The following FAT1 variants were observed in gnomAD, a reference collection of about 807,000 sequenced individuals.
The protein encoded by FAT1 is FAT atypical cadherin 1.
In FAT1, 171 loss-of-function variants were observed where a neutral mutation model predicts 329.8. That is an observed-to-expected ratio of 0.52 (90% CI 0.46 to 0.59). The LOEUF is 0.59. FAT1 is among the 20% of genes least tolerant of loss of function. The pLI is 0.00. For synonymous variants in FAT1, 2,233 were observed against 2,228.6 expected (o/e 1.00, Z -0.06); for missense variants, 5,672 against 5,774.4 (o/e 0.98, Z 0.57).
In FAT1 at chr4:186,601,300, T is replaced by C. The variant is rs935996270; in HGVS notation, c.11609A>G (p.Tyr3870Cys). ...GATGCTATAGTCAGTTCCTCGAGCA[T>C]ACATGACAACCGCATGCGTGGAATA... ...RTYSTHAVVMYARGTDYSILE... is the reference protein window; with the variant it reads ...RTYSTHAVVMCARGTDYSILE... Residue 3870 changes from tyrosine to cysteine, a missense_variant, in exon 21 of 27, where the codon TAT (tyrosine) becomes TGT (cysteine). By Grantham distance (194) the Tyr-to-Cys change is radical (BLOSUM62 -2). This residue lies in a region of FAT1 where 1,706 missense variants were observed against 1,859.1 expected (regional missense o/e 0.92). Coordinates refer to ENST00000441802, the MANE Select transcript of FAT1 (RefSeq NM_005245.4). 1 of 1,609,634 alleles carries C rather than the reference T, an allele frequency of 6.2e-7. No individual in the cohort carries two copies. Among genetic ancestry groups the C allele is most frequent in the Non-Finnish European group, 8.5e-7 (1 of 1,176,370 alleles).
chr4:186,713,222 T>C (rs985707265), intron 1 of FAT1, among the ~76,000 whole-genome samples: 5 of 152,130 alleles, frequency 3.3e-5, no homozygotes, highest in Non-Finnish European at 2.9e-5. Flanking sequence ...TTAGCTGTCA[T>C]GTCTCCTAAG....
chr4:186,695,342 C>T (rs2126666289), intron 2 of FAT1, among the ~76,000 whole-genome samples: 1 of 152,338 alleles, frequency 6.6e-6, no homozygotes, highest in Non-Finnish European at 1.5e-5. Flanking sequence ...TCTAGATACT[C>T]AATCTCACAA....
chr4:186,702,757 T>C (rs1443166468), intron 2 of FAT1, among the ~76,000 whole-genome samples: 1 of 152,222 alleles, frequency 6.6e-6, no homozygotes, highest in Non-Finnish European at 1.5e-5. Flanking sequence ...CTCCAGATTT[T>C]ATTCTGCTTA....
At chr4:186,597,619 A>G in intron 24 of FAT1, 63 bp downstream of exon 24, 1 of 1,142,826 alleles carries the variant, frequency 8.8e-7, no homozygotes, top group Non-Finnish European at 1.3e-6. Context: ...GGTCTGTTGC[A>G]TCTGCCAGTC....
intron 2 of FAT1, among the ~76,000 whole-genome samples, chr4:186,694,588 C>T (rs190616821): frequency 1.5e-3 from 236 of 152,284 alleles, no homozygotes; most frequent in African/African-American, 5.4e-3. Flanking sequence ...AAATTTCCCC[C>T]CATTATTCAA....
intron 3 of FAT1, among the ~76,000 whole-genome samples, chr4:186,640,892 G>A (rs6820953): frequency 0.16 from 24,016 of 152,154 alleles, 2,066 homozygotes; most frequent in East Asian, 0.38. Context: ...CTGCACCTCC[G>A]ACCTTAAAAC....
At chr4:186,598,594 A>G (rs1203479744) in intron 22 of FAT1, 1 of 152,630 alleles carries the variant, frequency 6.6e-6, no homozygotes, top group East Asian at 1.9e-4. Context: ...CAGTGGCGCA[A>G]TCTCAGCTCA....
At chr4:186,604,123 G>C (rs1203640938) in intron 18 of FAT1, 146 bp from the exon 19 acceptor site, 3 of 724,346 alleles carry the variant, frequency 4.1e-6, no homozygotes, top group South Asian at 2.0e-5. Context: ...TCAAAGAAAA[G>C]GACAAATTTC....
chr4:186,712,177 A>C (rs1018821604), intron 1 of FAT1, among the ~76,000 whole-genome samples: 18 of 152,330 alleles, frequency 1.2e-4, no homozygotes, highest in African/African-American at 4.3e-4. Flanking sequence ...AACGAAGCTG[A>C]TCCTATTTAT....
chr4:186,600,498 T>C (rs758673728), intron 21 of FAT1, 138 bp from the exon 22 acceptor site: 7 of 672,486 alleles, frequency 1.0e-5, no homozygotes, highest in South Asian at 2.0e-5. Context: ...AGAGCACAGA[T>C]TCATTTGTCC....
At chr4:186,634,963 C>A (rs1740760039) in intron 6 of FAT1, among the ~76,000 whole-genome samples, 1 of 152,228 alleles carries the variant, frequency 6.6e-6, no homozygotes, top group African/African-American at 2.4e-5. Context: ...TAACAGAAAG[C>A]AAACAAACGG....
upstream of FAT1, among the ~76,000 whole-genome samples, chr4:186,726,115 G>A (rs1411059291): frequency 6.6e-6 from 1 of 152,190 alleles, no homozygotes. Flanking sequence ...AAACAGCATC[G>A]CCTCTCAAGT....
chr4:186,664,240 A>G (rs1742324955), intron 2 of FAT1, among the ~76,000 whole-genome samples: 1 of 152,146 alleles, frequency 6.6e-6, no homozygotes, highest in African/African-American at 2.4e-5. Context: ...AGTCCACAAT[A>G]AGGGGCTGCT....
chr4:186,724,951 C>T (rs1745668301), upstream of FAT1, among the ~76,000 whole-genome samples: 1 of 152,144 alleles, frequency 6.6e-6, no homozygotes, highest in African/African-American at 2.4e-5. The surrounding 1 kb of genome is among the most constrained non-coding windows in gnomAD (Gnocchi z 5.3). Flanking sequence ...AAAGTTAACG[C>T]AGTCACCTTA....
rs148963798 is a variant in FAT1, at chr4:186,669,201, C to T, written c.3266-5588G>A. ...ACAGCATGCGGCCAGAAGGTGCCTG[C>T]GCCCAGGCTGTGAGGAGGGAGGGCT... is the stretch of plus-strand genomic sequence containing the variant. On this transcript the variant is annotated intron_variant, in intron 2 of 26. Coordinates refer to ENST00000441802, the MANE Select transcript of FAT1 (RefSeq NM_005245.4). 9.2e-5 allele frequency among the ~76,000 whole-genome samples: 14 copies of T among 152,294 alleles called. No homozygotes were observed. In the East Asian group the frequency reaches 2.1e-3, roughly 23 times the overall value.
rs2077158567 is a variant in FAT1 at position 186,707,670 on chromosome 4, G to A, written c.2158C>T (p.Leu720Phe). 1 of 1,613,894 alleles carries A rather than the reference G, an allele frequency of 6.2e-7. No homozygotes were observed. The change falls in exon 2 of 27, where the codon CTT becomes TTT. Residue 720 changes from leucine (L) to phenylalanine (F), a missense_variant. By Grantham distance (22) the Leu-to-Phe change is conservative. This residue lies in a region of FAT1 where 3,966 missense variants were observed against 3,915.2 expected (regional missense o/e 1.01). Coordinates refer to ENST00000441802, the MANE Select transcript of FAT1 (RefSeq NM_005245.4). ...NAHIPQFRST[L>F]PTGIQVKENQ... ...TCCTTTACCTGAATACCAGTCGGAA[G>A]AGTGCTTCTAAACTGCGGTATGTGA... is the stretch of plus-strand genomic sequence containing the variant.
At chr4:186,593,570 T>C (rs561763304) in intron 26 of FAT1, among the ~76,000 whole-genome samples, 48 of 152,234 alleles carry the variant, frequency 3.2e-4, no homozygotes, top group African/African-American at 1.2e-3. Context: ...ATCATAAGGG[T>C]AACTTTTCTG....
Position 186,635,010 on chromosome 4 carries a change from T to C in FAT1, c.4183+1015A>G, listed in dbSNP as rs73030834. ...GTTAACTACGAAAATAGTCTCTTTT[T>C]CCCCTTCCCTTGAAAGTATGCTGTA... is the stretch of plus-strand genomic sequence containing the variant. On this transcript the variant is annotated intron_variant, in intron 6 of 26. Coordinates refer to ENST00000441802, the MANE Select transcript of FAT1 (RefSeq NM_005245.4). Among the ~76,000 whole-genome samples, 776 of 152,348 alleles carry C rather than the reference T, an allele frequency of 5.1e-3. 8 individuals are homozygous for C. The highest frequency in any genetic ancestry group is 0.016 in the African/African-American group (680 of 41,572).
chr4:186,628,777 C>A lies in FAT1; in HGVS notation c.4324-14G>T, dbSNP rs375297719. ...TTTGATGAATACCTGTAATGGATGA[C>A]AAAATGACTCATACAATATTTCCAA... On this transcript the variant is annotated splice_polypyrimidine_tract_variant and intron_variant, in intron 7 of 26. Coordinates refer to ENST00000441802, the MANE Select transcript of FAT1 (RefSeq NM_005245.4). 2 of 1,604,954 alleles carry A rather than the reference C, an allele frequency of 1.2e-6. No individual in the cohort carries two copies. Among genetic ancestry groups the A allele is most frequent in the Non-Finnish European group, 1.7e-6 (2 of 1,176,330 alleles).
Sources: allele counts gnomAD v4.1 joint callset (sites outside exome capture counted in the v4.1 genomes callset), GRCh38; gene constraint gnomAD v4.1.1; regional missense constraint gnomAD v4.1.1; non-coding constraint Gnocchi (gnomAD v3.1); transcripts MANE v1.5; gene names NCBI Gene and HGNC (gene_info 2026-07-23, HGNC 2026-07-21).